Variants in VSTM2L observed in about 807,000 individuals in gnomAD.
VSTM2L encodes V-set and transmembrane domain containing 2 like, also known as V-set and transmembrane domain-containing protein 2-like protein.
In VSTM2L, 9 loss-of-function variants were observed where a neutral mutation model predicts 19.9. That is an observed-to-expected ratio of 0.45 (90% CI 0.27 to 0.79). The LOEUF is 0.79. Among genes scored for constraint, VSTM2L ranks in the 30% least tolerant of loss-of-function variants. VSTM2L has a pLI of 0.15. For synonymous variants in VSTM2L, 127 were observed against 133.8 expected (o/e 0.95, Z 0.35); for missense variants, 286 against 295.5 (o/e 0.97, Z 0.24).
intron 1 of VSTM2L, among the ~76,000 whole-genome samples, chr20:37,904,339 C>T (rs958167872): frequency 6.6e-6 from 1 of 152,246 alleles, no homozygotes; most frequent in African/African-American, 2.4e-5. Context: ...CCATCCTCAT[C>T]CTCGGCCCTA....
intron 1 of VSTM2L, among the ~76,000 whole-genome samples, chr20:37,926,472 G>A (rs1407542609): frequency 6.6e-6 from 1 of 152,132 alleles, no homozygotes; most frequent in Non-Finnish European, 1.5e-5. Flanking sequence ...GAACCCGGGA[G>A]GCAGAGGTTG....
At chr20:37,914,150 T>C (rs113389450) in intron 1 of VSTM2L, among the ~76,000 whole-genome samples, 6,576 of 151,560 alleles carry the variant, frequency 0.043, 474 homozygotes, top group African/African-American at 0.15. Context: ...TGTGTGTGCG[T>C]GTGTGTATGT....
intron 1 of VSTM2L, 116 bp from the exon 2 acceptor site, chr20:37,931,519 C>G: frequency 8.8e-7 from 1 of 1,140,004 alleles, no homozygotes; most frequent in Non-Finnish European, 1.3e-6. Context: ...TCACCCCACC[C>G]CCTCCACCCA....
chr20:37,939,629 A>T (rs760860601), intron 3 of VSTM2L, among the ~76,000 whole-genome samples: 3 of 152,014 alleles, frequency 2.0e-5, no homozygotes, highest in Non-Finnish European at 4.4e-5. Flanking sequence ...CGTGTCTGAC[A>T]TGTGTCCTTG....
chr20:37,912,265 G>T lies in VSTM2L; in HGVS notation c.121+8794G>T, dbSNP rs567322688. On this transcript the variant is annotated intron_variant, in intron 1 of 3. Transcript: ENST00000373461. The stretch of plus-strand genomic sequence containing the variant: ...GCTGCCAAGCTGTGTGTGTGGGCAG[G>T]TGCTTTGTTCTGGAGCAGCGCTCCT... Among the ~76,000 whole-genome samples, 21 of 152,376 alleles carry T rather than the reference G, an allele frequency of 1.4e-4. 1 individual carries two copies. In the South Asian group the frequency reaches 4.4e-3, roughly 32 times the overall value.
intron 1 of VSTM2L, among the ~76,000 whole-genome samples, chr20:37,912,086 G>A (rs1420008510): frequency 2.0e-5 from 3 of 152,186 alleles, no homozygotes. Context: ...ACCATGCTAG[G>A]AGGCGGGCCC....
chr20:37,917,297 G>A (rs563861908), intron 1 of VSTM2L, among the ~76,000 whole-genome samples: 12 of 151,990 alleles, frequency 7.9e-5, no homozygotes, highest in Middle Eastern at 6.8e-3. Context: ...CCTGGGCGAC[G>A]GTGTGAGACT....
At chr20:37,936,526 T>A (rs2072941275) in intron 3 of VSTM2L, among the ~76,000 whole-genome samples, 1 of 152,142 alleles carries the variant, frequency 6.6e-6, no homozygotes, top group Non-Finnish European at 1.5e-5. Flanking sequence ...ATAATAATGG[T>A]CCAAGGTTGA....
intron 1 of VSTM2L, among the ~76,000 whole-genome samples, chr20:37,929,959 C>T (rs1418334696): frequency 1.3e-5 from 2 of 152,144 alleles, no homozygotes; most frequent in Admixed American, 1.3e-4. Flanking sequence ...TTGAAGTGGG[C>T]TATGTGTGAT....
chr20:37,940,520 T>C (rs2072966053), intron 3 of VSTM2L, among the ~76,000 whole-genome samples: 1 of 152,212 alleles, frequency 6.6e-6, no homozygotes, highest in South Asian at 2.1e-4. Context: ...CTGGTGGCCC[T>C]CGGTGAGCCT....
chr20:37,917,429 T>C (rs2072825249), intron 1 of VSTM2L, among the ~76,000 whole-genome samples: 1 of 152,234 alleles, frequency 6.6e-6, no homozygotes, highest in Non-Finnish European at 1.5e-5. Context: ...GTGAATGTGC[T>C]TGTGTCTAAG....
At chr20:37,939,279 A>C (rs1015459216) in intron 3 of VSTM2L, among the ~76,000 whole-genome samples, 2 of 151,674 alleles carry the variant, frequency 1.3e-5, no homozygotes, top group Non-Finnish European at 2.9e-5. Context: ...GGTGGTGCGC[A>C]CCTGTGGCCA....
intron 3 of VSTM2L, among the ~76,000 whole-genome samples, chr20:37,936,547 G>A (rs2072941361): frequency 6.6e-6 from 1 of 152,186 alleles, no homozygotes; most frequent in South Asian, 2.1e-4. Context: ...GGGTAAGAAA[G>A]TGCTGTCAGC....
rs985234618 is a variant in VSTM2L at position 37,945,277 on chromosome 20, A to C, written c.*1024A>C. On this transcript the variant is annotated 3_prime_UTR_variant, in exon 4 of 4. Transcript: ENST00000373461. ...GTGGGAGAGGCCGAGGGCTTTGCCTAGGGGTGGGTTGCCCTGTATACATGA... is the reference window on the plus strand; with the variant it reads ...GTGGGAGAGGCCGAGGGCTTTGCCTCGGGGTGGGTTGCCCTGTATACATGA... 2 of 985,270 alleles carry C rather than the reference A, an allele frequency of 2.0e-6. No individual in the cohort carries two copies. Among genetic ancestry groups the C allele is most frequent in the African/African-American group, 3.5e-5 (2 of 57,200 alleles). 61.0% of individuals were successfully genotyped at this position (985,270 alleles called of 1,614,324 possible). A position where few individuals can be genotyped will look rare whatever the true frequency, so the allele number is the denominator to read the frequency against.
intron 1 of VSTM2L, among the ~76,000 whole-genome samples, chr20:37,927,027 A>G (rs1172421055): frequency 6.6e-6 from 1 of 152,230 alleles, no homozygotes; most frequent in Non-Finnish European, 1.5e-5. Flanking sequence ...GTGCAGTGAC[A>G]CAATCTCGGC....
intron 1 of VSTM2L, among the ~76,000 whole-genome samples, chr20:37,917,827 G>A (rs181546758): frequency 2.9e-3 from 447 of 152,362 alleles, no homozygotes; most frequent in Non-Finnish European, 5.2e-3. Context: ...CGTTGATGGC[G>A]TGCGGCCCAC....
intron 1 of VSTM2L, among the ~76,000 whole-genome samples, chr20:37,923,594 C>G (rs1392361883): frequency 6.6e-6 from 1 of 152,218 alleles, no homozygotes; most frequent in Non-Finnish European, 1.5e-5. Flanking sequence ...TGTAACTATA[C>G]CAGCCTCCCT....
intron 3 of VSTM2L, among the ~76,000 whole-genome samples, chr20:37,934,971 G>A (rs973210757): frequency 6.6e-6 from 1 of 152,104 alleles, no homozygotes; most frequent in African/African-American, 2.4e-5. Context: ...CGAACACCCC[G>A]TTTCTGGCCC....
intron 3 of VSTM2L, among the ~76,000 whole-genome samples, chr20:37,939,759 T>A (rs2072961034): frequency 6.6e-6 from 1 of 152,184 alleles, no homozygotes; most frequent in Non-Finnish European, 1.5e-5. Flanking sequence ...CCCATTGTGG[T>A]AGGCACTCGC....
Sources: allele counts gnomAD v4.1 joint callset (sites outside exome capture counted in the v4.1 genomes callset), GRCh38; gene constraint gnomAD v4.1.1; transcripts MANE v1.5; gene names NCBI Gene and HGNC (gene_info 2026-07-23, HGNC 2026-07-21).